VWA8: variants seen among roughly 807,000 people sequenced by gnomAD.
VWA8 encodes von Willebrand factor A domain containing 8, also known as von Willebrand factor A domain-containing protein 8.
Under a neutral mutation model 241.5 loss-of-function variants are expected in VWA8, and 221 were observed. The ratio of observed to expected loss-of-function variants is 0.91; its 90% CI spans 0.82 to 1.02. The LOEUF is 1.02. VWA8 is among the 50% of genes least tolerant of loss of function. VWA8 has a pLI of 0.00. For synonymous variants in VWA8, 852 were observed against 827.1 expected (o/e 1.03, Z -0.52); for missense variants, 2,322 against 2,328.7 (o/e 1.00, Z 0.06).
intron 14 of VWA8, 27 bp from the exon 15 acceptor site, chr13:41,819,413 A>G: frequency 6.3e-7 from 1 of 1,586,586 alleles, no homozygotes; most frequent in South Asian, 1.2e-5. Flanking sequence ...AATGAAAAAA[A>G]ATAACATATC....
chr13:41,679,200 G>A (rs1323593332), intron 35 of VWA8, among the ~76,000 whole-genome samples: 2 of 152,188 alleles, frequency 1.3e-5, no homozygotes, highest in African/African-American at 4.8e-5. Context: ...TTAAAGGGAA[G>A]TCATTGCAGC....
chr13:41,758,435 A>AGT (rs1555331304), intron 21 of VWA8, among the ~76,000 whole-genome samples: 1 of 108,552 alleles, frequency 9.2e-6, no homozygotes, highest in Non-Finnish European at 1.9e-5. Context: ...TATATACGCT[A>AGT]GTATATATAT....
intron 37 of VWA8, among the ~76,000 whole-genome samples, chr13:41,641,274 G>T (rs115611537): frequency 6.6e-6 from 1 of 152,148 alleles, no homozygotes; most frequent in Admixed American, 6.5e-5. Flanking sequence ...ATGTCCTGGG[G>T]TAAACAACTA....
At chr13:41,727,442 G>T in intron 23 of VWA8, 129 bp from the exon 24 acceptor site, 1 of 851,454 alleles carries the variant, frequency 1.2e-6, no homozygotes, top group East Asian at 3.2e-5. Context: ...ATTTGGCTGT[G>T]ATAACTTGGT....
chr13:41,754,546 C>T (rs2045680247), intron 21 of VWA8, among the ~76,000 whole-genome samples: 1 of 152,104 alleles, frequency 6.6e-6, no homozygotes, highest in Non-Finnish European at 1.5e-5. Flanking sequence ...ATAATAATCA[C>T]ATCAGGGTAG....
chr13:41,616,992 A>G (rs1021351209), intron 37 of VWA8, among the ~76,000 whole-genome samples: 1 of 152,210 alleles, frequency 6.6e-6, no homozygotes, highest in East Asian at 1.9e-4. Context: ...GTCTGGGCGC[A>G]GTGGCTCACA....
At chr13:41,828,688 T>C (rs993636967) in intron 14 of VWA8, among the ~76,000 whole-genome samples, 1 of 152,172 alleles carries the variant, frequency 6.6e-6, no homozygotes, top group Admixed American at 6.5e-5. Flanking sequence ...TTCTGAAATA[T>C]TTGGAAGTTG....
chr13:41,918,766 A>G (rs1476909841), intron 2 of VWA8, among the ~76,000 whole-genome samples: 3 of 152,330 alleles, frequency 2.0e-5, no homozygotes, highest in South Asian at 4.1e-4. Flanking sequence ...AACATTCTGT[A>G]TATACAAAAT....
chr13:41,881,637 C>T (rs951539894), intron 9 of VWA8, among the ~76,000 whole-genome samples: 1 of 132,296 alleles, frequency 7.6e-6, no homozygotes, highest in African/African-American at 2.8e-5. Flanking sequence ...CCAGTAGGGG[C>T]GGCTGGGCAG....
chr13:41,605,327 G>T (rs1159440429), intron 39 of VWA8, 51 bp from the exon 40 acceptor site: 2 of 1,567,502 alleles, frequency 1.3e-6, no homozygotes, highest in East Asian at 4.5e-5. Context: ...CGTATATGTG[G>T]GTTTTTACTT....
chr13:41,583,081 G>A (rs955672249), intron 42 of VWA8, among the ~76,000 whole-genome samples: 18 of 152,132 alleles, frequency 1.2e-4, no homozygotes, highest in African/African-American at 4.3e-4. Context: ...GATACCAAGG[G>A]ACAACTGTAA....
chr13:41,881,372 CG>C (rs756711531), intron 9 of VWA8, among the ~76,000 whole-genome samples: 115 of 8,292 alleles, frequency 0.014, 13 homozygotes, highest in South Asian at 0.03. Context: ...TTTTTTTTGC[CG>C]GGGGGGGGGG....
chr13:41,689,305 A>G (rs1375127268), intron 34 of VWA8, 49 bp downstream of exon 34: 1 of 1,571,708 alleles, frequency 6.4e-7, no homozygotes, highest in Admixed American at 1.8e-5. Context: ...TATAGGTCAA[A>G]CTAAGGGAAA....
At chr13:41,604,953 G>A (rs1329473933) in intron 40 of VWA8, among the ~76,000 whole-genome samples, 1 of 152,086 alleles carries the variant, frequency 6.6e-6, no homozygotes, top group Non-Finnish European at 1.5e-5. Context: ...AGCAAGGGGA[G>A]GGCAGAAAGA....
At chr13:41,933,658 A>G (rs1221851828) in intron 2 of VWA8, among the ~76,000 whole-genome samples, 2 of 152,082 alleles carry the variant, frequency 1.3e-5, no homozygotes, top group South Asian at 4.1e-4. Flanking sequence ...CAGACTCACA[A>G]TACACACAGG....
chr13:41,828,122 A>G (rs908789018), intron 14 of VWA8, among the ~76,000 whole-genome samples: 1 of 152,320 alleles, frequency 6.6e-6, no homozygotes, highest in Non-Finnish European at 1.5e-5. Context: ...AGAATTTGAT[A>G]ATGTATACCT....
intron 2 of VWA8, among the ~76,000 whole-genome samples, chr13:41,913,448 C>G (rs1876106020): frequency 6.6e-6 from 1 of 152,120 alleles, no homozygotes; most frequent in Non-Finnish European, 1.5e-5. Flanking sequence ...TTGTATGTAG[C>G]AAATATTCCA....
chr13:41,638,301 AT>A (rs527361130), intron 37 of VWA8, among the ~76,000 whole-genome samples: 163 of 152,310 alleles, frequency 1.1e-3, no homozygotes, highest in African/African-American at 3.8e-3. Flanking sequence ...AACTCATTCT[AT>A]TTTTCTACTA....
chr13:41,593,923 A>G (rs1294361756), intron 40 of VWA8, among the ~76,000 whole-genome samples: 4 of 152,130 alleles, frequency 2.6e-5, no homozygotes, highest in African/African-American at 7.2e-5. Context: ...GAAATTGTAT[A>G]TAACATGTTA....
Sources: gnomAD v4.1 joint callset for allele counts (sites outside exome capture counted in the v4.1 genomes callset) on GRCh38, gnomAD v4.1.1 for gene constraint, MANE v1.5 for transcripts, NCBI Gene and HGNC (gene_info 2026-07-23, HGNC 2026-07-21) for gene names.